MACF1: variants seen among roughly 807,000 people sequenced by gnomAD.
The protein encoded by MACF1 is microtubule actin crosslinking factor 1.
Under a neutral mutation model 854.8 loss-of-function variants are expected in MACF1, and 193 were observed. The observed-to-expected ratio is 0.23, with a 90% CI of 0.20 to 0.25. The LOEUF (loss-of-function observed/expected upper bound fraction) is 0.25, where lower values mean the gene tolerates loss of function less well. MACF1 is among the 10% of genes least tolerant of loss of function. The pLI is 1.00. For synonymous variants in MACF1, 3,185 were observed against 3,226.7 expected (o/e 0.99, Z 0.44); for missense variants, 7,722 against 8,929.1 (o/e 0.86, Z 5.45).
chr1:39,190,468 G>A (rs1278575462), intron 2 of MACF1, among the ~76,000 whole-genome samples: 3 of 133,764 alleles, frequency 2.2e-5, no homozygotes, highest in Non-Finnish European at 4.7e-5. Flanking sequence ...GGCGTGAGTA[G>A]CTGGGACTAC....
At position 39,385,848 on chromosome 1, in the gene MACF1, G is replaced by A; in HGVS notation, c.14263G>A (p.Gly4755Ser). 1 of 1,614,066 alleles carries A rather than the reference G, an allele frequency of 6.2e-7. No individual in the cohort carries two copies. The highest frequency in any genetic ancestry group is 8.5e-7 in the Non-Finnish European group (1 of 1,179,926). Residue 4755 changes from glycine (G) to serine (S), a missense_variant, in exon 57 of 101, where the codon GGT (glycine) becomes AGT (serine). By Grantham distance (56) the Gly-to-Ser change is moderately conservative. Transcript: ENST00000564288. ...GTGCGATGAACTCTCAGTGCTCATTGGTGAGCAGTACCTCAAGGATGAACT... is the reference window on the plus strand; with the variant it reads ...GTGCGATGAACTCTCAGTGCTCATTAGTGAGCAGTACCTCAAGGATGAACT... ...TLCDELSVLI[G>S]EQYLKDELKK... is the part of the protein sequence containing the mutation.
chr1:39,325,206 C>T (rs1187497024), intron 35 of MACF1, among the ~76,000 whole-genome samples: 2 of 152,178 alleles, frequency 1.3e-5, no homozygotes, highest in African/African-American at 4.8e-5. Context: ...TGGGGCTTCT[C>T]AGCCTGTTAA....
intron 2 of MACF1, among the ~76,000 whole-genome samples, chr1:39,129,752 C>G (rs1445968831): frequency 6.6e-6 from 1 of 152,186 alleles, no homozygotes; most frequent in Admixed American, 6.5e-5. Context: ...TTATTTTTCT[C>G]CTTCACTGAC....
chr1:39,145,617 A>G (rs1557481104), intron 2 of MACF1, among the ~76,000 whole-genome samples: 1 of 152,104 alleles, frequency 6.6e-6, no homozygotes, highest in African/African-American at 2.4e-5. Context: ...CACCATCCCA[A>G]TGAAAGGCTC....
chr1:39,163,340 C>CCA (rs1643841112), intron 2 of MACF1, among the ~76,000 whole-genome samples: 1 of 80,356 alleles, frequency 1.2e-5, no homozygotes, highest in Non-Finnish European at 2.2e-5. Context: ...AAGACTGTCT[C>CCA]AAAAAAAAAA....
chr1:39,217,861 T>TA (rs1025958035), intron 1 of MACF1, among the ~76,000 whole-genome samples: 2 of 129,396 alleles, frequency 1.5e-5, no homozygotes, highest in African/African-American at 6.1e-5. Flanking sequence ...CCAGCCTGGG[T>TA]GATAGAGCAA....
Position 39,331,679 on chromosome 1 carries a change from G to T in MACF1, c.5091G>T (p.Lys1697Asn), listed in dbSNP as rs149141350. The change falls in exon 37 of 101, where the codon AAG (lysine) becomes AAT (asparagine). Residue 1697 changes from lysine (K) to asparagine (N), a missense_variant. Transcript: ENST00000564288. The part of the protein sequence containing the change: ...SVLESYLRTS[K>N]NLIDPNTAEK... ...TAGAGTCTTATCTTAGAACATCCAA[G>T]AATTTGATAGACCCTAACACAGCTG... 2.0e-5 allele frequency: 32 copies of T among 1,614,006 alleles called. No individual in the cohort carries two copies. Among genetic ancestry groups the T allele is most frequent in the Non-Finnish European group, 2.5e-5 (30 of 1,180,038 alleles).
intron 6 of MACF1, among the ~76,000 whole-genome samples, chr1:39,260,112 T>C (rs1185041446): frequency 1.3e-5 from 2 of 152,196 alleles, no homozygotes; most frequent in African/African-American, 4.8e-5. Context: ...ACAGTTATTA[T>C]TCTTTTTAAT....
At chr1:39,352,785 T>C (rs180745755) in intron 43 of MACF1, among the ~76,000 whole-genome samples, 1 of 152,186 alleles carries the variant, frequency 6.6e-6, no homozygotes, top group East Asian at 1.9e-4. Context: ...CTCTTTTTTT[T>C]TTTTTAAAGC....
intron 1 of MACF1, among the ~76,000 whole-genome samples, chr1:39,222,059 CTGT>C (rs776942673): frequency 6.6e-6 from 1 of 152,188 alleles, no homozygotes; most frequent in Non-Finnish European, 1.5e-5. Context: ...AATAGCCATA[CTGT>C]TCCCTAAAAC....
At chr1:39,141,523 T>C (rs1379702477) in intron 2 of MACF1, among the ~76,000 whole-genome samples, 1 of 152,210 alleles carries the variant, frequency 6.6e-6, no homozygotes, top group Non-Finnish European at 1.5e-5. Flanking sequence ...GCTTCAGTTC[T>C]CATCTGTAAA....
intron 2 of MACF1, among the ~76,000 whole-genome samples, chr1:39,111,366 T>TTTTATTTATTTA (rs34525332): frequency 1.4e-5 from 2 of 148,142 alleles, no homozygotes; most frequent in African/African-American, 2.5e-5. Context: ...CAGCTAATTA[T>TTTTATTTATTTA]TTTATTTATT....
intron 44 of MACF1, among the ~76,000 whole-genome samples, chr1:39,354,173 T>G (rs1310215421): frequency 1.3e-5 from 2 of 152,202 alleles, no homozygotes; most frequent in Non-Finnish European, 2.9e-5. Context: ...CCTTTCAGTT[T>G]ATTGGCTAAA....
intron 2 of MACF1, among the ~76,000 whole-genome samples, chr1:39,088,543 G>A (rs1641732178): frequency 6.6e-6 from 1 of 152,194 alleles, no homozygotes; most frequent in South Asian, 2.1e-4. Flanking sequence ...ACCAGGAAAG[G>A]GGAGAGACAA....
At chr1:39,208,478 G>A (rs1358864750) in intron 1 of MACF1, among the ~76,000 whole-genome samples, 2 of 151,166 alleles carry the variant, frequency 1.3e-5, no homozygotes, top group East Asian at 3.9e-4. Flanking sequence ...TTCTGAAACC[G>A]AGTCTCACTT....
intron 2 of MACF1, among the ~76,000 whole-genome samples, chr1:39,111,053 A>T (rs1051023020): frequency 3.9e-5 from 6 of 152,138 alleles, no homozygotes; most frequent in African/African-American, 1.2e-4. Context: ...TTATATATTG[A>T]GCCATGTTGT....
At chr1:39,156,102 C>T (rs974328036) in intron 2 of MACF1, among the ~76,000 whole-genome samples, 8 of 152,046 alleles carry the variant, frequency 5.3e-5, no homozygotes, top group Non-Finnish European at 5.9e-5. Flanking sequence ...GTCTCGATCT[C>T]CTGACCTCGT....
At chr1:39,100,316 C>T (rs1232516344) in intron 2 of MACF1, among the ~76,000 whole-genome samples, 1 of 152,144 alleles carries the variant, frequency 6.6e-6, no homozygotes, top group African/African-American at 2.4e-5. Context: ...GGGGATGGGA[C>T]ATTCTAGGCA....
chr1:39,306,024 T>G (rs1646166880), intron 23 of MACF1, among the ~76,000 whole-genome samples: 1 of 152,244 alleles, frequency 6.6e-6, no homozygotes, highest in Admixed American at 6.5e-5. Flanking sequence ...CCATTTTGTT[T>G]ACCTCTGTAT....
Sources: gnomAD v4.1 joint callset for allele counts (sites outside exome capture counted in the v4.1 genomes callset) on GRCh38, gnomAD v4.1.1 for gene constraint, MANE v1.5 for transcripts, NCBI Gene and HGNC (gene_info 2026-07-23, HGNC 2026-07-21) for gene names.